Variants in ARHGEF3 observed in about 807,000 individuals in gnomAD.
ARHGEF3 encodes 59.8 kDA protein.
In ARHGEF3, 28 loss-of-function variants were observed where a neutral mutation model predicts 63.2. That is an observed-to-expected ratio of 0.44 (90% CI 0.33 to 0.61). The LOEUF is 0.61. Among genes scored for constraint, ARHGEF3 ranks in the 20% least tolerant of loss-of-function variants. ARHGEF3 has a pLI of 0.03. For missense variants in ARHGEF3, 533 were observed against 659.3 expected (o/e 0.81, Z 2.10); for synonymous variants, 266 against 254.2 (o/e 1.05, Z -0.44).
intron 2 of ARHGEF3, among the ~76,000 whole-genome samples, chr3:56,758,849 C>G (rs989297726): frequency 8.5e-5 from 13 of 152,204 alleles, no homozygotes; most frequent in African/African-American, 3.1e-4. Context: ...GTTTGCAGTT[C>G]TGATGGCAGC....
upstream of ARHGEF3, among the ~76,000 whole-genome samples, chr3:56,803,583 C>T (rs1559955155): frequency 6.6e-6 from 1 of 152,172 alleles, no homozygotes; most frequent in Non-Finnish European, 1.5e-5. Flanking sequence ...AGCAGTGTGG[C>T]TTGAGGCCAA....
At chr3:56,885,837 C>A (rs1174491684) in intron 3 of ARHGEF3, among the ~76,000 whole-genome samples, 2 of 152,172 alleles carry the variant, frequency 1.3e-5, no homozygotes, top group Non-Finnish European at 1.5e-5. Context: ...ATTTTCTTTT[C>A]AATTTTCTTA....
chr3:56,943,145 A>AG (rs1291753576), intron 3 of ARHGEF3, among the ~76,000 whole-genome samples: 1 of 150,004 alleles, frequency 6.7e-6, no homozygotes, highest in Non-Finnish European at 1.5e-5. Flanking sequence ...TAGATGAAAA[A>AG]GCCTTATCTT....
At chr3:56,921,049 C>A (rs1378296035) in intron 3 of ARHGEF3, among the ~76,000 whole-genome samples, 28 of 94,342 alleles carry the variant, frequency 3.0e-4, no homozygotes, top group Non-Finnish European at 4.9e-4. Flanking sequence ...AGCGAGACTC[C>A]ATCTCAAAAA....
At chr3:56,933,809 T>A (rs1028594306) in intron 3 of ARHGEF3, among the ~76,000 whole-genome samples, 3 of 152,080 alleles carry the variant, frequency 2.0e-5, no homozygotes, top group Non-Finnish European at 4.4e-5. Context: ...CCCACCCAAA[T>A]CTCCTCTCAA....
chr3:56,755,220 C>T (rs2034998852), intron 2 of ARHGEF3, 69 bp from the exon 3 acceptor site: 2 of 1,502,700 alleles, frequency 1.3e-6, no homozygotes, highest in South Asian at 1.2e-5. Flanking sequence ...GAGCAGTTTC[C>T]TGTCGTTGAC....
At chr3:56,849,752 G>A (rs745925741) in intron 4 of ARHGEF3, among the ~76,000 whole-genome samples, 1 of 152,068 alleles carries the variant, frequency 6.6e-6, no homozygotes, top group Non-Finnish European at 1.5e-5. Context: ...AGCACAAAGA[G>A]TGGAAAAGTG....
intron 8 of ARHGEF3, among the ~76,000 whole-genome samples, chr3:56,734,742 CA>C (rs2033480820): frequency 6.6e-6 from 1 of 152,046 alleles, no homozygotes; most frequent in Non-Finnish European, 1.5e-5. Context: ...CAAACAGAAA[CA>C]AAACCCAACC....
intron 3 of ARHGEF3, among the ~76,000 whole-genome samples, chr3:56,939,184 A>G (rs1406974225): frequency 6.6e-6 from 1 of 152,222 alleles, no homozygotes; most frequent in Non-Finnish European, 1.5e-5. Context: ...CCTCCACGCA[A>G]GAGGCTTCAA....
At chr3:56,889,675 T>C (rs550184898) in intron 3 of ARHGEF3, among the ~76,000 whole-genome samples, 35 of 152,348 alleles carry the variant, frequency 2.3e-4, no homozygotes, top group Non-Finnish European at 5.0e-4. Context: ...CTGACCTCTC[T>C]GCATATGATG....
Position 56,921,010 on chromosome 3 carries a change from G to A in ARHGEF3, c.129+37813C>T, listed in dbSNP as rs1283048270. On this transcript the variant is annotated intron_variant, in intron 3 of 12. Coordinates refer to the ARHGEF3 transcript ENST00000338458. Reference sequence around the variant, plus strand: ...GCGGAGCTTGCAGTGAGCCGAGATTGCACCACTGCACTCCAGCCTGGGTGA... The same window carrying A: ...GCGGAGCTTGCAGTGAGCCGAGATTACACCACTGCACTCCAGCCTGGGTGA... Among the ~76,000 whole-genome samples the A allele has an allele frequency of 5.3e-5, 7 of 131,248 alleles. No individual in the cohort carries two copies. In the East Asian group the frequency reaches 1.3e-3, roughly 25 times the overall value. The allele number at this position is 131,248 out of a possible 152,430, so 86.1% of individuals were successfully genotyped here. A position where few individuals can be genotyped will look rare whatever the true frequency, so the allele number is the denominator to read the frequency against.
intron 2 of ARHGEF3, among the ~76,000 whole-genome samples, chr3:56,967,869 TA>T (rs1375949878): frequency 2.8e-4 from 20 of 71,062 alleles, no homozygotes; most frequent in South Asian, 1.3e-3. Context: ...ATGACATATA[TA>T]ATATATAATA....
chr3:56,953,784 G>A (rs1699921478), intron 3 of ARHGEF3, among the ~76,000 whole-genome samples: 1 of 152,130 alleles, frequency 6.6e-6, no homozygotes, highest in Non-Finnish European at 1.5e-5. Flanking sequence ...TGGTCACCCT[G>A]TTCCTTCAAA....
chr3:57,035,038 T>C (rs1263506027), intron 2 of ARHGEF3: 4 of 1,427,906 alleles, frequency 2.8e-6, no homozygotes, highest in African/African-American at 2.9e-5. Context: ...AATTGTTGCA[T>C]ACAGGAATTT....
chr3:56,756,455 T>C (rs999226738), intron 2 of ARHGEF3, among the ~76,000 whole-genome samples: 6 of 152,126 alleles, frequency 3.9e-5, no homozygotes, highest in South Asian at 2.1e-4. Context: ...TATCTGTCAT[T>C]CCCTAAATAT....
At chr3:56,745,581 T>C (rs889009099) in intron 6 of ARHGEF3, 119 bp from the exon 7 acceptor site, 6 of 1,166,616 alleles carry the variant, frequency 5.1e-6, no homozygotes, top group East Asian at 2.5e-5. Flanking sequence ...CTGGCTGACA[T>C]TCCTTTATCT....
At chr3:56,927,199 C>A (rs1020838116) in intron 3 of ARHGEF3, among the ~76,000 whole-genome samples, 2 of 152,296 alleles carry the variant, frequency 1.3e-5, no homozygotes, top group Admixed American at 1.3e-4. Flanking sequence ...GGACCCACTG[C>A]AAAAAGTTCT....
intron 2 of ARHGEF3, among the ~76,000 whole-genome samples, chr3:57,014,124 A>G (rs1478658493): frequency 2.6e-5 from 4 of 152,126 alleles, no homozygotes; most frequent in African/African-American, 7.2e-5. Flanking sequence ...GTGACCCCTT[A>G]AGAGCTGTAA....
chr3:56,931,221 T>C (rs1309810160), intron 3 of ARHGEF3, among the ~76,000 whole-genome samples: 1 of 152,182 alleles, frequency 6.6e-6, no homozygotes, highest in East Asian at 1.9e-4. Flanking sequence ...CATTAGACTA[T>C]AATTACACAA....
Sources: gnomAD v4.1 joint callset for allele counts (sites outside exome capture counted in the v4.1 genomes callset) on GRCh38, gnomAD v4.1.1 for gene constraint, MANE v1.5 for transcripts, NCBI Gene and HGNC (gene_info 2026-07-23, HGNC 2026-07-21) for gene names.